RAB11FIP2: variants seen among roughly 807,000 people sequenced by gnomAD.
RAB11FIP2 encodes the protein rab11 family-interacting protein 2.
A neutral mutation model predicts 40.9 loss-of-function variants in RAB11FIP2; 16 were observed. The observed-to-expected ratio is 0.39, with a 90% CI of 0.26 to 0.59. The LOEUF (loss-of-function observed/expected upper bound fraction) is 0.59, where lower values mean the gene tolerates loss of function less well. Ranked by LOEUF, RAB11FIP2 falls within the 20% of genes least tolerant of loss-of-function variation. The probability of loss-of-function intolerance (pLI) is 0.53; values close to 1 mark genes in which losing one functional copy is unlikely to be tolerated. For synonymous variants in RAB11FIP2, 228 were observed against 213.7 expected (o/e 1.07, Z -0.58); for missense variants, 532 against 606.2 (o/e 0.88, Z 1.28).
At chr10:118,019,694 C>T (rs1846260533) in intron 3 of RAB11FIP2, among the ~76,000 whole-genome samples, 2 of 152,074 alleles carry the variant, frequency 1.3e-5, no homozygotes, top group African/African-American at 4.8e-5. Context: ...GGCGTGGTGG[C>T]AGGCGCCTGT....
At position 118,039,915 on chromosome 10, in the gene RAB11FIP2, C is replaced by T. The variant is rs1589648155; in HGVS notation, c.796+208G>A. ...AAACTGGCACTCATTTTATTATCATCTAATAATATAAATACAAATGCAGAC... is the reference window on the plus strand; with the variant it reads ...AAACTGGCACTCATTTTATTATCATTTAATAATATAAATACAAATGCAGAC... On this transcript the variant is annotated intron_variant, in intron 2 of 4. Coordinates refer to ENST00000355624, the MANE Select transcript of RAB11FIP2 (RefSeq NM_014904.3). 3 of 505,420 alleles carry T rather than the reference C, an allele frequency of 5.9e-6. No homozygotes were observed. The South Asian group carries it at 1.0e-4, about 18-fold the overall frequency. 31.3% of individuals were successfully genotyped at this position (505,420 alleles called of 1,614,324 possible).
At chr10:118,015,946 T>C (rs1846214514) in intron 3 of RAB11FIP2, among the ~76,000 whole-genome samples, 1 of 152,230 alleles carries the variant, frequency 6.6e-6, no homozygotes, top group Non-Finnish European at 1.5e-5. Context: ...ACAACAACTG[T>C]AAAATATGTA....
rs762900975 is a variant in RAB11FIP2 at position 118,015,122 on chromosome 10, C to T, written c.1266-12G>A. 2.5e-6 allele frequency: 4 copies of T among 1,598,306 alleles called. No individual in the cohort carries two copies. The highest frequency in any genetic ancestry group is 3.4e-6 in the Non-Finnish European group (4 of 1,170,722). ...GACTCATATGAAAACTAATAAAACACAAACAAATGTTAAAAGTGTCATAAC... is the reference window on the plus strand; with the variant it reads ...GACTCATATGAAAACTAATAAAACATAAACAAATGTTAAAAGTGTCATAAC... On this transcript the variant is annotated splice_polypyrimidine_tract_variant and intron_variant, in intron 3 of 4. Coordinates refer to ENST00000355624, the MANE Select transcript of RAB11FIP2 (RefSeq NM_014904.3).
chr10:118,029,955 C>A (rs1846393176), intron 3 of RAB11FIP2, among the ~76,000 whole-genome samples: 1 of 152,100 alleles, frequency 6.6e-6, no homozygotes, highest in African/African-American at 2.4e-5. Flanking sequence ...CATGTAAAAA[C>A]CAAACTGGTG....
chr10:118,011,391 G>GCA (rs58953157), intron 4 of RAB11FIP2, among the ~76,000 whole-genome samples: 73 of 149,954 alleles, frequency 4.9e-4, no homozygotes, highest in Middle Eastern at 3.4e-3. Context: ...ACACACATGC[G>GCA]CACACACACA....
intron 3 of RAB11FIP2, among the ~76,000 whole-genome samples, chr10:118,021,239 G>T (rs1846280597): frequency 6.6e-6 from 1 of 152,160 alleles, no homozygotes; most frequent in Admixed American, 6.5e-5. Flanking sequence ...TACTTCAAGT[G>T]ACTTGGATTT....
intron 3 of RAB11FIP2, among the ~76,000 whole-genome samples, chr10:118,024,089 TAAA>T (rs11410516): frequency 2.4e-5 from 3 of 126,982 alleles, no homozygotes; most frequent in Admixed American, 7.9e-5. Context: ...GACTCTGTCT[TAAA>T]AAAAAAAAAA....
At chr10:118,027,120 C>T (rs1846352201) in intron 3 of RAB11FIP2, among the ~76,000 whole-genome samples, 1 of 152,166 alleles carries the variant, frequency 6.6e-6, no homozygotes, top group Non-Finnish European at 1.5e-5. Context: ...TTTCTGGATG[C>T]ACCATGTGTA....
intron 3 of RAB11FIP2, among the ~76,000 whole-genome samples, chr10:118,029,974 A>G (rs1702636877): frequency 6.6e-6 from 1 of 152,184 alleles, no homozygotes; most frequent in Admixed American, 6.5e-5. Context: ...TGCCAGGGCC[A>G]CATCTCCTCG....
chr10:118,035,247 A>T (rs1846466478), intron 3 of RAB11FIP2, among the ~76,000 whole-genome samples: 1 of 152,152 alleles, frequency 6.6e-6, no homozygotes, highest in African/African-American at 2.4e-5. Flanking sequence ...AAGAGTGAGC[A>T]ATAAACTTTT....
At chr10:118,045,779 C>G in intron 1 of RAB11FIP2, 32 bp downstream of exon 1, 2 of 1,488,372 alleles carry the variant, frequency 1.3e-6, no homozygotes, top group Non-Finnish European at 1.8e-6. Flanking sequence ...GATATAAACT[C>G]CCCCAAATTC....
chr10:118,021,599 C>G (rs1846283349), intron 3 of RAB11FIP2, among the ~76,000 whole-genome samples: 1 of 152,216 alleles, frequency 6.6e-6, no homozygotes, highest in African/African-American at 2.4e-5. Context: ...TTGACTCATT[C>G]ATATTCTTTA....
rs1218886290 is a variant in RAB11FIP2, at chr10:118,046,905, T to G, written c.-742A>C. ...CCGGGCGGGCGGCTGCGGCGGCACTTCCGGGTTGGCCTTCTCCATGTTGGT... is the reference window on the plus strand; with the variant it reads ...CCGGGCGGGCGGCTGCGGCGGCACTGCCGGGTTGGCCTTCTCCATGTTGGT... On this transcript the variant is annotated 5_prime_UTR_variant, in exon 1 of 5. Coordinates refer to ENST00000355624, the MANE Select transcript of RAB11FIP2 (RefSeq NM_014904.3). 1 of 153,478 alleles carries G rather than the reference T, an allele frequency of 6.5e-6. No homozygotes were observed. The highest frequency in any genetic ancestry group is 1.4e-5 in the Non-Finnish European group (1 of 69,062). 9.5% of individuals were successfully genotyped at this position (153,478 alleles called of 1,614,324 possible).
rs1226218894 is a variant in RAB11FIP2 at position 118,007,313 on chromosome 10, A to G, written c.*1685T>C. The G allele has an allele frequency of 6.6e-6, 1 of 151,912 alleles. No individual in the cohort carries two copies. The highest frequency in any genetic ancestry group is 1.5e-5 in the Non-Finnish European group (1 of 67,886). 9.4% of individuals were successfully genotyped at this position (151,912 alleles called of 1,614,324 possible). A position where few individuals can be genotyped will look rare whatever the true frequency, so the allele number is the denominator to read the frequency against. ...TTTCTTAAAGCATTTAATTTTTATG[A>G]AAAAAATGTTCATAATTTCAAAATG... On this transcript the variant is annotated 3_prime_UTR_variant, in exon 5 of 5. Transcript: ENST00000355624.
intron 3 of RAB11FIP2, among the ~76,000 whole-genome samples, chr10:118,033,147 T>C (rs2928120): frequency 0.98 from 148,657 of 152,130 alleles, 72,735 homozygotes; most frequent in East Asian, 1. Flanking sequence ...GGTCTTGGAA[T>C]GTATCCCCAT....
chr10:118,025,558 C>T (rs1451382448), intron 3 of RAB11FIP2, among the ~76,000 whole-genome samples: 1 of 152,236 alleles, frequency 6.6e-6, no homozygotes, highest in Non-Finnish European at 1.5e-5. Context: ...AGCAATGGCA[C>T]TGTTCTCTGA....
intron 3 of RAB11FIP2, among the ~76,000 whole-genome samples, chr10:118,019,287 C>T (rs1256124035): frequency 6.6e-6 from 1 of 152,146 alleles, no homozygotes; most frequent in Non-Finnish European, 1.5e-5. Flanking sequence ...CACCTTGACT[C>T]ATTTTGTATT....
intron 3 of RAB11FIP2, among the ~76,000 whole-genome samples, chr10:118,022,941 T>A (rs1846298341): frequency 6.6e-6 from 1 of 152,200 alleles, no homozygotes; most frequent in Non-Finnish European, 1.5e-5. Flanking sequence ...GAAGAAATAA[T>A]CTTCCTGAAT....
rs1385687693 is a variant in RAB11FIP2, at chr10:118,046,008, A to T, written c.156T>A (p.Ala52=). Residue 52 remains alanine (A), a synonymous_variant, in exon 1 of 5, where the codon GCT becomes GCA. Transcript: ENST00000355624. ...LGKEKYSTSV[A]EKTLEPVWKE... ...TCCAAACTGGCTCAAGGGTTTTCTCAGCTACAGAGGTGGAGTACTTTTCCT... is the reference window on the plus strand; with the variant it reads ...TCCAAACTGGCTCAAGGGTTTTCTCTGCTACAGAGGTGGAGTACTTTTCCT... 1 of 1,614,086 alleles carries T rather than the reference A, an allele frequency of 6.2e-7. No individual in the cohort carries two copies. Among genetic ancestry groups the T allele is most frequent in the Non-Finnish European group, 8.5e-7 (1 of 1,180,040 alleles).
Sources: gnomAD v4.1 joint callset for allele counts (sites outside exome capture counted in the v4.1 genomes callset) on GRCh38, gnomAD v4.1.1 for gene constraint, MANE v1.5 for transcripts, NCBI Gene and HGNC (gene_info 2026-07-23, HGNC 2026-07-21) for gene names.